Variants in JRK observed in about 807,000 individuals in gnomAD.
The protein encoded by JRK is jerky protein homolog.
For synonymous variants in JRK, 303 were observed against 218.1 expected, an observed-to-expected ratio of 1.39 and a Z score of -3.43; for missense variants, 720 against 509.2, an observed-to-expected ratio of 1.41 and a Z score of -3.98.
At chr8:142,667,026 C>T (rs1170245997) in intron 1 of JRK, among the ~76,000 whole-genome samples, 4 of 152,190 alleles carry the variant, frequency 2.6e-5, no homozygotes, top group African/African-American at 7.2e-5. Context: ...CTACCCTCCC[C>T]GCCAAAGATC....
chr8:142,647,072 T>G, the JRK span, among the ~76,000 whole-genome samples: 3 of 152,156 alleles, frequency 2.0e-5, no homozygotes, highest in African/African-American at 4.8e-5. Context: ...TAAAGATGCA[T>G]GCCAAATCAA....
In JRK at chr8:142,660,841, C is replaced by G; in HGVS notation, c.*3511G>C. ...ATGCAGTCTACACCTTCTGCAAACC[C>G]CTGCCTCAAACCGTGTCCCTCCACA... On this transcript the variant is annotated 3_prime_UTR_variant, in exon 2 of 2. Coordinates refer to ENST00000612905, the MANE Select transcript of JRK (RefSeq NM_003724.4). The G allele has an allele frequency of 1.0e-6, 1 of 985,668 alleles. No homozygotes were observed. Among genetic ancestry groups the G allele is most frequent in the Non-Finnish European group, 1.2e-6 (1 of 830,126 alleles). 61.1% of individuals were successfully genotyped at this position (985,668 alleles called of 1,614,324 possible). A position where few individuals can be genotyped will look rare whatever the true frequency, so the allele number is the denominator to read the frequency against.
chr8:142,649,523 T>C, the JRK span, among the ~76,000 whole-genome samples: 1 of 152,218 alleles, frequency 6.6e-6, no homozygotes, highest in East Asian at 1.9e-4. Flanking sequence ...TGCTCCTCGT[T>C]CCATTCCCCC....
rs782115144 is a variant in JRK, at chr8:142,663,043, C to T, written c.*1309G>A. 6.2e-5 allele frequency: 41 copies of T among 660,580 alleles called. No individual in the cohort carries two copies. The highest frequency in any genetic ancestry group is 7.3e-5 in the Non-Finnish European group (39 of 533,712). 40.9% of individuals were successfully genotyped at this position (660,580 alleles called of 1,614,324 possible). A position where few individuals can be genotyped will look rare whatever the true frequency, so the allele number is the denominator to read the frequency against. On this transcript the variant is annotated 3_prime_UTR_variant, in exon 2 of 2. Coordinates refer to ENST00000612905, the MANE Select transcript of JRK (RefSeq NM_003724.4). Reference sequence around the variant, plus strand: ...TGGTGCGTGCCTCTAGTCCCAGCTACTCAGGAGGCTGGGGCGGGAGGATCA... The same window carrying T: ...TGGTGCGTGCCTCTAGTCCCAGCTATTCAGGAGGCTGGGGCGGGAGGATCA...
rs1470340941 is a variant in JRK, at chr8:142,666,295, G to A, written c.-237C>T. ...CCAGGCTCCACACACCTAGGCCTTG[G>A]CTCCTGGCAGTGCAGTCAGCTGCCA... On this transcript the variant is annotated 5_prime_UTR_variant, in exon 2 of 2. Transcript: ENST00000612905. 3.1e-6 allele frequency: 2 copies of A among 646,558 alleles called. No individual in the cohort carries two copies. The highest frequency in any genetic ancestry group is 5.4e-6 in the Non-Finnish European group (2 of 369,458). 40.1% of individuals were successfully genotyped at this position (646,558 alleles called of 1,614,324 possible).
downstream of JRK, among the ~76,000 whole-genome samples, chr8:142,652,543 A>G (rs4457308): frequency 0.59 from 90,054 of 151,996 alleles, 28,122 homozygotes; most frequent in Admixed American, 0.69. Context: ...AATCAGATAT[A>G]CATTTATCTC....
At position 142,666,142 on chromosome 8, in the gene JRK, C is replaced by T; in HGVS notation, c.-84G>A. Reference sequence around the variant, plus strand: ...ACTACTTCCCTCTCCTCCTGCTCCCCTTCTGGGGCTCCGTCTCTCCCTCTC... The same window carrying T: ...ACTACTTCCCTCTCCTCCTGCTCCCTTTCTGGGGCTCCGTCTCTCCCTCTC... On this transcript the variant is annotated 5_prime_UTR_variant, in exon 2 of 2. Coordinates refer to ENST00000612905, the MANE Select transcript of JRK (RefSeq NM_003724.4). 3.2e-6 allele frequency: 5 copies of T among 1,548,096 alleles called. No individual in the cohort carries two copies. The East Asian group carries it at 9.8e-5, about 30-fold the overall frequency.
At chr8:142,667,085 G>C (rs1554636310) in intron 1 of JRK, among the ~76,000 whole-genome samples, 1 of 152,210 alleles carries the variant, frequency 6.6e-6, no homozygotes, top group African/African-American at 2.4e-5. Context: ...CTCCGACACA[G>C]AGCGCCAAAC....
At chr8:142,645,446 G>A in the JRK span, among the ~76,000 whole-genome samples, 23 of 152,206 alleles carry the variant, frequency 1.5e-4, no homozygotes, top group African/African-American at 5.1e-4. Context: ...TTGGGAGGCC[G>A]AGATGGGCGG....
chr8:142,654,025 T>C (rs1467260994), downstream of JRK, among the ~76,000 whole-genome samples: 2 of 152,202 alleles, frequency 1.3e-5, no homozygotes, highest in African/African-American at 4.8e-5. Flanking sequence ...ATTGGGCAGT[T>C]ACAGTAGGGC....
rs1554635032 is a variant in JRK at position 142,664,156 on chromosome 8, A to C, written c.*196T>G. ...GATGACACGGCAAGTGATAAAATAA[A>C]ACCTGTATTGACAGGAACCTCGGGC... On this transcript the variant is annotated 3_prime_UTR_variant, in exon 2 of 2. Coordinates refer to ENST00000612905, the MANE Select transcript of JRK (RefSeq NM_003724.4). 1 of 1,343,934 alleles carries C rather than the reference A, an allele frequency of 7.4e-7. No individual in the cohort carries two copies. The highest frequency in any genetic ancestry group is 9.5e-7 in the Non-Finnish European group (1 of 1,050,422). The allele number at this position is 1,343,934 out of a possible 1,614,324, so 83.3% of individuals were successfully genotyped here. A position where few individuals can be genotyped will look rare whatever the true frequency, so the allele number is the denominator to read the frequency against.
the JRK span, among the ~76,000 whole-genome samples, chr8:142,650,203 C>G: frequency 1.3e-5 from 2 of 152,228 alleles, no homozygotes; most frequent in African/African-American, 4.8e-5. Context: ...GCATGTACCC[C>G]CATTGTATCT....
rs782736528 is a variant in JRK, at chr8:142,665,669, C to T, written c.390G>A (p.Val130=). 2.3e-5 allele frequency: 17 copies of T among 724,348 alleles called. No homozygotes were observed. Among genetic ancestry groups the T allele is most frequent in the Middle Eastern group, 4.5e-4 (2 of 4,402 alleles). The allele number at this position is 724,348 out of a possible 1,614,324, so 44.9% of individuals were successfully genotyped here. ...AGCGCCAAAGCCACCCTCCGGAGAA[C>T]ACGCAGGGCTCAGTGAGCTGCATCT... ...YEQMQLTEPC[V]FSGGWLWRFK... The change falls in exon 2 of 2, where the codon GTG becomes GTA. Residue 130 remains valine (V), a synonymous_variant. Transcript: ENST00000612905.
chr8:142,645,809 A>G, the JRK span, among the ~76,000 whole-genome samples: 2 of 152,222 alleles, frequency 1.3e-5, no homozygotes, highest in Non-Finnish European at 2.9e-5. Flanking sequence ...CTGTAGGACT[A>G]AATTGATCAT....
chr8:142,668,362 T>C lies in JRK; in HGVS notation c.-463+1570A>G, dbSNP rs781827967. Among the ~76,000 whole-genome samples the C allele has an allele frequency of 8.3e-4, 127 of 152,210 alleles. 4 individuals are homozygous for C. Among genetic ancestry groups the C allele is most frequent in the Non-Finnish European group, 3.1e-4 (21 of 68,034 alleles). On this transcript the variant is annotated intron_variant, in intron 1 of 1. Coordinates refer to ENST00000612905, the MANE Select transcript of JRK (RefSeq NM_003724.4). ...GTACTGTCCTCTTCCGGAGTCAGTT[T>C]CCTGGTCTGCAAAATGTGGGCTGGT...
Position 142,659,040 on chromosome 8 carries a change from G to C in JRK, c.*5312C>G. On this transcript the variant is annotated 3_prime_UTR_variant, in exon 2 of 2. Coordinates refer to ENST00000612905, the MANE Select transcript of JRK (RefSeq NM_003724.4). ...TCCCTCTGCCAGGGAGAATGGTGGA[G>C]GAAGAATGGATTCCTAGTGTATTTT... 1 of 1,469,856 alleles carries C rather than the reference G, an allele frequency of 6.8e-7. No homozygotes were observed. The highest frequency in any genetic ancestry group is 2.5e-5 in the East Asian group (1 of 39,438). The allele number at this position is 1,469,856 out of a possible 1,614,324, so 91.1% of individuals were successfully genotyped here.
Position 142,662,093 on chromosome 8 carries a change from C to G in JRK, c.*2259G>C. ...CAAGGGCTGCACCTAGAGTCAGGCT[C>G]CAGGCCTTGCTGCAGTTGGTCTGGA... On this transcript the variant is annotated 3_prime_UTR_variant, in exon 2 of 2. Coordinates refer to ENST00000612905, the MANE Select transcript of JRK (RefSeq NM_003724.4). The G allele has an allele frequency of 1.0e-6, 1 of 985,666 alleles. No individual in the cohort carries two copies. The highest frequency in any genetic ancestry group is 1.2e-6 in the Non-Finnish European group (1 of 830,094). 61.1% of individuals were successfully genotyped at this position (985,666 alleles called of 1,614,324 possible). A position where few individuals can be genotyped will look rare whatever the true frequency, so the allele number is the denominator to read the frequency against.
At chr8:142,667,727 G>C (rs1370366543) in intron 1 of JRK, among the ~76,000 whole-genome samples, 2 of 152,278 alleles carry the variant, frequency 1.3e-5, no homozygotes, top group South Asian at 2.1e-4. Context: ...AAATGACATA[G>C]AAATGTCACA....
Position 142,660,616 on chromosome 8 carries a change from G to A in JRK, c.*3736C>T. On this transcript the variant is annotated 3_prime_UTR_variant, in exon 2 of 2. Coordinates refer to ENST00000612905, the MANE Select transcript of JRK (RefSeq NM_003724.4). ...GGGGTCTCCCTATGTTGCCCAGGCT[G>A]GTTTCAAACTCCTGAACTAAAGTGA... The A allele has an allele frequency of 1.2e-6, 1 of 853,910 alleles. No individual in the cohort carries two copies. The highest frequency in any genetic ancestry group is 1.9e-5 in the African/African-American group (1 of 53,878). The allele number at this position is 853,910 out of a possible 1,614,324, so 52.9% of individuals were successfully genotyped here.
Sources: allele counts gnomAD v4.1 joint callset (sites outside exome capture counted in the v4.1 genomes callset), GRCh38; gene constraint gnomAD v4.1.1; transcripts MANE v1.5; gene names NCBI Gene and HGNC (gene_info 2026-07-23, HGNC 2026-07-21).